The following ZNF521 variants were observed in gnomAD, a reference collection of about 807,000 sequenced individuals.
The protein encoded by ZNF521 is zinc finger protein 521, also known as LYST-interacting protein 3.
A neutral mutation model predicts 105.5 loss-of-function variants in ZNF521; 14 were observed. The ratio of observed to expected loss-of-function variants is 0.13; its 90% CI spans 0.09 to 0.21. ZNF521 has a LOEUF of 0.21. Among genes scored for constraint, ZNF521 ranks in the 10% least tolerant of loss-of-function variants. The pLI is 1.00. For synonymous variants in ZNF521, 635 were observed against 606.0 expected, an observed-to-expected ratio of 1.05 and a Z score of -0.70; for missense variants, 1,233 against 1,629.7, an observed-to-expected ratio of 0.76 and a Z score of 4.19.
intron 3 of ZNF521, among the ~76,000 whole-genome samples, chr18:25,234,377 A>G (rs1445904233): frequency 2.6e-5 from 4 of 152,152 alleles, no homozygotes; most frequent in Admixed American, 6.5e-5. Context: ...ATTAGTTACT[A>G]TGTGCTCTTG....
chr18:25,096,839 T>G (rs964993804), intron 5 of ZNF521, among the ~76,000 whole-genome samples: 2 of 152,178 alleles, frequency 1.3e-5, no homozygotes, highest in Admixed American at 6.5e-5. Context: ...CCTCCTGCTA[T>G]ATCACCATGT....
At chr18:25,153,998 A>T (rs1191922777) in intron 5 of ZNF521, among the ~76,000 whole-genome samples, 1 of 152,212 alleles carries the variant, frequency 6.6e-6, no homozygotes, top group African/African-American at 2.4e-5. Context: ...AGAAACAATG[A>T]CAAGATTAAA....
At chr18:25,178,343 G>C (rs1257213788) in intron 5 of ZNF521, among the ~76,000 whole-genome samples, 1 of 152,024 alleles carries the variant, frequency 6.6e-6, no homozygotes, top group Admixed American at 6.5e-5. Flanking sequence ...TGTATCGCAG[G>C]GTCTGTGATT....
intron 4 of ZNF521, among the ~76,000 whole-genome samples, chr18:25,195,975 G>A (rs1434575751): frequency 5.3e-5 from 8 of 151,638 alleles, no homozygotes; most frequent in Non-Finnish European, 8.9e-5. Flanking sequence ...CTGTACAGCT[G>A]GGAAGAGAAA....
intron 3 of ZNF521, among the ~76,000 whole-genome samples, chr18:25,265,371 T>C (rs1294303792): frequency 6.6e-6 from 1 of 152,230 alleles, no homozygotes; most frequent in African/African-American, 2.4e-5. Flanking sequence ...AGAATTACAA[T>C]AAATGAAGTT....
At chr18:25,320,334 G>A (rs566068701) in intron 3 of ZNF521, among the ~76,000 whole-genome samples, 82 of 152,102 alleles carry the variant, frequency 5.4e-4, no homozygotes, top group Non-Finnish European at 8.7e-4. Flanking sequence ...CACCACGCAC[G>A]GCTAATTTTT....
At chr18:25,116,884 TATACGTATATATATA>T (rs2034317578) in intron 5 of ZNF521, among the ~76,000 whole-genome samples, 1 of 52,212 alleles carries the variant, frequency 1.9e-5, no homozygotes, top group Non-Finnish European at 6.6e-5. Context: ...TATATATATA[TATACGTATATATATA>T]TGTGTATATA....
rs551517292 is a variant in ZNF521, at chr18:25,351,152, A to ACGGCGG, written c.-1-211_-1-206dup. ...CTGCCCGAGCTCCGCGCTCTGCACG[A>ACGGCGG]CGGCGGCGGCGGCGGCGGCGGCTGC... On this transcript the variant is annotated intron_variant, in intron 1 of 7. Coordinates refer to ENST00000361524, the MANE Select transcript of ZNF521 (RefSeq NM_015461.3). 1.9e-4 allele frequency: 29 copies of ACGGCGG among 155,146 alleles called. No individual in the cohort carries two copies. The South Asian group carries it at 2.0e-3, about 11-fold the overall frequency. The allele number at this position is 155,146 out of a possible 1,614,324, so 9.6% of individuals were successfully genotyped here. A position where few individuals can be genotyped will look rare whatever the true frequency, so the allele number is the denominator to read the frequency against.
intron 7 of ZNF521, among the ~76,000 whole-genome samples, chr18:25,079,505 T>C (rs2033441157): frequency 6.6e-6 from 1 of 152,212 alleles, no homozygotes; most frequent in African/African-American, 2.4e-5. Context: ...TCCCCAGCTC[T>C]TCCCCTAGTT....
chr18:25,311,426 T>C (rs1042086613), intron 3 of ZNF521, among the ~76,000 whole-genome samples: 1 of 151,806 alleles, frequency 6.6e-6, no homozygotes, highest in Admixed American at 6.6e-5. Flanking sequence ...TTTTATCATG[T>C]TGAATTTCAC....
In ZNF521 at chr18:25,288,134, G is replaced by T. The variant is rs192554095; in HGVS notation, c.220+33874C>A. Reference sequence around the variant, plus strand: ...ACTGGGCAACATCAATAAACTGGGCGTGATGTGCACAAAATCCATTTGCAT... The same window carrying T: ...ACTGGGCAACATCAATAAACTGGGCTTGATGTGCACAAAATCCATTTGCAT... On this transcript the variant is annotated intron_variant, in intron 3 of 7. Coordinates refer to ENST00000361524, the MANE Select transcript of ZNF521 (RefSeq NM_015461.3). Among the ~76,000 whole-genome samples the T allele has an allele frequency of 7.9e-5, 12 of 152,256 alleles. No homozygotes were observed. The South Asian group carries it at 1.2e-3, about 16-fold the overall frequency.
chr18:25,295,096 C>T (rs1415629602), intron 3 of ZNF521, among the ~76,000 whole-genome samples: 4 of 152,082 alleles, frequency 2.6e-5, no homozygotes, highest in Non-Finnish European at 5.9e-5. Context: ...AAGTGTCCCT[C>T]CTCATCACTA....
At chr18:25,115,504 T>C (rs184640976) in intron 5 of ZNF521, among the ~76,000 whole-genome samples, 19 of 152,306 alleles carry the variant, frequency 1.2e-4, no homozygotes, top group African/African-American at 3.6e-4. Flanking sequence ...CTTATACCTA[T>C]GGCAGGGCAT....
chr18:25,250,646 C>T (rs1199524065), intron 3 of ZNF521, among the ~76,000 whole-genome samples: 2 of 152,176 alleles, frequency 1.3e-5, no homozygotes, highest in African/African-American at 2.4e-5. Flanking sequence ...ATAGTGAACT[C>T]CGATGTTATC....
intron 3 of ZNF521, among the ~76,000 whole-genome samples, chr18:25,239,929 T>C (rs1241540467): frequency 6.6e-6 from 1 of 152,086 alleles, no homozygotes; most frequent in Non-Finnish European, 1.5e-5. Flanking sequence ...ATATTTTCTC[T>C]CTCCCTCTCC....
At chr18:25,136,457 G>A (rs114401954) in intron 5 of ZNF521, among the ~76,000 whole-genome samples, 188 of 152,300 alleles carry the variant, frequency 1.2e-3, no homozygotes, top group African/African-American at 4.2e-3. Flanking sequence ...GCTGCTCTGA[G>A]CTCTTTGCAT....
At chr18:25,287,192 T>G (rs535242112) in intron 3 of ZNF521, among the ~76,000 whole-genome samples, 1 of 152,308 alleles carries the variant, frequency 6.6e-6, no homozygotes, top group South Asian at 2.1e-4. Flanking sequence ...CTGGGGGGCC[T>G]GGTCGGCTTC....
rs1459879361 is a variant in ZNF521 at position 25,226,586 on chromosome 18, C to G, written c.1332G>C (p.Glu444Asp). 1 of 1,614,156 alleles carries G rather than the reference C, an allele frequency of 6.2e-7. No individual in the cohort carries two copies. The highest frequency in any genetic ancestry group is 2.2e-5 in the East Asian group (1 of 44,856). The change falls in exon 4 of 8, where the codon GAG becomes GAC. Residue 444 changes from glutamate (E) to aspartate (D), a missense_variant. By Grantham distance (45) the Glu-to-Asp change is conservative. Coordinates refer to ENST00000361524, the MANE Select transcript of ZNF521 (RefSeq NM_015461.3). This position sits in a 1 kb window ranked among gnomAD's most constrained non-coding sequence, Gnocchi z 4.1. ...EQAHICQYCL[E>D]VLPSLYNLNE... The stretch of plus-strand genomic sequence containing the variant: ...TTAGGTTATAGAGTGAGGGCAGGAC[C>G]TCCAAGCAATACTGACAAATATGGG...
intron 3 of ZNF521, among the ~76,000 whole-genome samples, chr18:25,310,650 G>T (rs1912252446): frequency 6.6e-6 from 1 of 152,046 alleles, no homozygotes. Flanking sequence ...CGCCCAATCA[G>T]TTATGATTAT....
Sources: gnomAD v4.1 joint callset for allele counts (sites outside exome capture counted in the v4.1 genomes callset) on GRCh38, gnomAD v4.1.1 for gene constraint, Gnocchi (gnomAD v3.1) non-coding constraint, MANE v1.5 for transcripts, NCBI Gene and HGNC (gene_info 2026-07-23, HGNC 2026-07-21) for gene names.